SULF1: variants seen among roughly 807,000 people sequenced by gnomAD.
The protein encoded by SULF1 is extracellular sulfatase Sulf-1.
A neutral mutation model predicts 110.5 loss-of-function variants in SULF1; 46 were observed. That is an observed-to-expected ratio of 0.42 (90% CI 0.33 to 0.53). The LOEUF (loss-of-function observed/expected upper bound fraction) is 0.53. Among genes scored for constraint, SULF1 ranks in the 20% least tolerant of loss-of-function variants. SULF1 has a pLI of 0.12. For missense variants in SULF1, 941 were observed against 1,094.2 expected (o/e 0.86, Z 1.98); for synonymous variants, 371 against 387.1 (o/e 0.96, Z 0.49).
chr8:69,529,640 G>A (rs1768287373), intron 3 of SULF1, among the ~76,000 whole-genome samples: 1 of 152,146 alleles, frequency 6.6e-6, no homozygotes, highest in African/African-American at 2.4e-5. Context: ...ATTGTTCTAA[G>A]GGACTTACTA....
intron 10 of SULF1, among the ~76,000 whole-genome samples, chr8:69,602,771 T>C (rs1807927112): frequency 6.6e-6 from 1 of 152,180 alleles, no homozygotes; most frequent in South Asian, 2.1e-4. Context: ...CTAGAAGGCT[T>C]TATGTTTTAA....
intron 13 of SULF1, among the ~76,000 whole-genome samples, chr8:69,610,715 A>G (rs932176835): frequency 6.6e-6 from 1 of 152,274 alleles, no homozygotes. Context: ...ACATGAGAAT[A>G]GGCATTTTAC....
At chr8:69,649,716 G>T in intron 22 of SULF1, among the ~76,000 whole-genome samples, 1 of 152,072 alleles carries the variant, frequency 6.6e-6, no homozygotes, top group East Asian at 1.9e-4. Flanking sequence ...GTGGATTTTT[G>T]TCAGGAATAC....
intron 1 of SULF1, among the ~76,000 whole-genome samples, chr8:69,478,739 A>G (rs1809402556): frequency 6.6e-6 from 1 of 152,092 alleles, no homozygotes; most frequent in Admixed American, 6.5e-5. Context: ...TTTTGCATTT[A>G]TTCTTATTCT....
chr8:69,574,855 C>T (rs1434720350), intron 5 of SULF1, among the ~76,000 whole-genome samples: 1 of 152,218 alleles, frequency 6.6e-6, no homozygotes, highest in Non-Finnish European at 1.5e-5. Context: ...CTCCTGTTCT[C>T]ATATGCGTCA....
intron 3 of SULF1, among the ~76,000 whole-genome samples, chr8:69,514,605 G>T (rs1811797378): frequency 6.6e-6 from 1 of 152,186 alleles, no homozygotes; most frequent in Admixed American, 6.5e-5. Context: ...CCCCTAAAGT[G>T]GGGGAGTGGG....
chr8:69,647,761 G>A (rs1436928218), intron 22 of SULF1, among the ~76,000 whole-genome samples: 8 of 151,896 alleles, frequency 5.3e-5, no homozygotes, highest in Non-Finnish European at 5.9e-5. Flanking sequence ...ACGTGGTGGT[G>A]CATGCCTGTA....
In SULF1 at chr8:69,660,629, A is replaced by G. The variant is rs1295919809; in HGVS notation, c.*2094A>G. The G allele has an allele frequency of 6.6e-6, 1 of 152,662 alleles. No homozygotes were observed. The highest frequency in any genetic ancestry group is 1.5e-5 in the Non-Finnish European group (1 of 68,038). 9.5% of individuals were successfully genotyped at this position (152,662 alleles called of 1,614,324 possible). Reference sequence around the variant, plus strand: ...TGGTAAACTCTTTTAAAGAAAATTTAATATGTTATAGCTGAATCTTTTTGG... The same window carrying G: ...TGGTAAACTCTTTTAAAGAAAATTTGATATGTTATAGCTGAATCTTTTTGG... On this transcript the variant is annotated 3_prime_UTR_variant, in exon 23 of 23. Transcript: ENST00000402687.
At chr8:69,538,875 T>A (rs1813655359) in intron 3 of SULF1, among the ~76,000 whole-genome samples, 1 of 152,070 alleles carries the variant, frequency 6.6e-6, no homozygotes, top group African/African-American at 2.4e-5. Context: ...GTATTTTTAG[T>A]GGAGATGGGG....
At chr8:69,531,895 C>T (rs1419531156) in intron 3 of SULF1, among the ~76,000 whole-genome samples, 3 of 152,090 alleles carry the variant, frequency 2.0e-5, no homozygotes, top group African/African-American at 7.2e-5. Context: ...ATTACATACG[C>T]GGCCACCCCT....
chr8:69,558,499 A>G (rs1815262329), intron 3 of SULF1, among the ~76,000 whole-genome samples: 1 of 152,232 alleles, frequency 6.6e-6, no homozygotes, highest in Non-Finnish European at 1.5e-5. Context: ...TCCCTTGCAT[A>G]CTTCAGATGC....
intron 5 of SULF1, among the ~76,000 whole-genome samples, chr8:69,565,293 A>G (rs1214100835): frequency 3.9e-5 from 6 of 151,986 alleles, no homozygotes; most frequent in Non-Finnish European, 5.9e-5. Flanking sequence ...TCACACATAC[A>G]TGAGTGTGTA....
chr8:69,629,725 C>G (rs754956172), intron 19 of SULF1, 46 bp downstream of exon 19: 3 of 1,483,172 alleles, frequency 2.0e-6, no homozygotes, highest in South Asian at 2.6e-5. Flanking sequence ...CATGCAGAGA[C>G]AGCGACTCAT....
At chr8:69,586,077 C>G (rs77825802) in intron 6 of SULF1, among the ~76,000 whole-genome samples, 2 of 152,140 alleles carry the variant, frequency 1.3e-5, no homozygotes, top group African/African-American at 4.8e-5. Context: ...CCAGTAGGAC[C>G]ATAAGAAATG....
chr8:69,586,695 A>G (rs545139763), intron 7 of SULF1, among the ~76,000 whole-genome samples, 187 bp downstream of exon 7: 2 of 152,304 alleles, frequency 1.3e-5, no homozygotes, highest in Admixed American at 1.3e-4. Flanking sequence ...GCCTTTGTGT[A>G]GTGATTTCCC....
chr8:69,592,374 T>C (rs1806969449), intron 8 of SULF1, among the ~76,000 whole-genome samples: 1 of 152,156 alleles, frequency 6.6e-6, no homozygotes, highest in Admixed American at 6.5e-5. Flanking sequence ...AGTAACAAAA[T>C]AGGAGGTGGC....
intron 19 of SULF1, among the ~76,000 whole-genome samples, chr8:69,636,054 T>C (rs77571758): frequency 0.011 from 1,738 of 152,232 alleles, 37 homozygotes; most frequent in African/African-American, 0.039. Flanking sequence ...AAGTACATAG[T>C]GCACAAGGAA....
chr8:69,641,403 G>A (rs1398703448), intron 22 of SULF1, among the ~76,000 whole-genome samples: 1 of 152,160 alleles, frequency 6.6e-6, no homozygotes, highest in African/African-American at 2.4e-5. Flanking sequence ...GAGAGGTGGT[G>A]AATAACGAGA....
At chr8:69,530,915 C>G (rs977094030) in intron 3 of SULF1, among the ~76,000 whole-genome samples, 3 of 152,210 alleles carry the variant, frequency 2.0e-5, no homozygotes, top group African/African-American at 7.2e-5. Flanking sequence ...ATGAGGTAAA[C>G]AGGTACTTAT....
Sources: allele counts gnomAD v4.1 joint callset (sites outside exome capture counted in the v4.1 genomes callset), GRCh38; gene constraint gnomAD v4.1.1; transcripts MANE v1.5; gene names NCBI Gene and HGNC (gene_info 2026-07-23, HGNC 2026-07-21).